GRM7: variants seen among roughly 807,000 people sequenced by gnomAD.
GRM7 encodes glutamate metabotropic receptor 7, also known as metabotropic glutamate receptor 7.
Under a neutral mutation model 84.5 loss-of-function variants are expected in GRM7, and 35 were observed. The ratio of observed to expected loss-of-function variants is 0.41; its 90% CI spans 0.32 to 0.55. The LOEUF is 0.55. GRM7 is among the 20% of genes least tolerant of loss of function. The probability of loss-of-function intolerance (pLI) is 0.19; values close to 1 mark genes in which losing one functional copy is unlikely to be tolerated. For synonymous variants in GRM7, 487 were observed against 455.1 expected (o/e 1.07, Z -0.89); for missense variants, 1,003 against 1,194.6 (o/e 0.84, Z 2.36).
chr3:7,142,143 T>C (rs1487001564), intron 1 of GRM7, among the ~76,000 whole-genome samples: 2 of 151,854 alleles, frequency 1.3e-5, no homozygotes, highest in East Asian at 3.9e-4. Context: ...CAAATATTCA[T>C]ACAGCAGAAT....
chr3:7,667,975 G>C (rs2125129792), intron 8 of GRM7, among the ~76,000 whole-genome samples: 1 of 152,218 alleles, frequency 6.6e-6, no homozygotes, highest in Middle Eastern at 3.4e-3. Flanking sequence ...GTTAGCACAA[G>C]CTGTTTGAAA....
At chr3:7,665,147 G>A (rs992676486) in intron 8 of GRM7, among the ~76,000 whole-genome samples, 7 of 150,962 alleles carry the variant, frequency 4.6e-5, no homozygotes, top group African/African-American at 4.9e-5. Context: ...AACTGCATAC[G>A]GAGAATGTTT....
At chr3:7,289,703 T>C (rs4425239) in intron 2 of GRM7, among the ~76,000 whole-genome samples, 56,689 of 151,930 alleles carry the variant, frequency 0.37, 11,275 homozygotes, top group East Asian at 0.51. Flanking sequence ...TTCATGTCCT[T>C]TGTAGGGACA....
intron 2 of GRM7, among the ~76,000 whole-genome samples, chr3:7,284,971 C>A (rs947740427): frequency 6.6e-6 from 1 of 152,110 alleles, no homozygotes; most frequent in Non-Finnish European, 1.5e-5. Flanking sequence ...TTAATAGTTA[C>A]TGCAGCAGTT....
At chr3:7,108,864 C>A (rs1188318799) in intron 1 of GRM7, among the ~76,000 whole-genome samples, 1 of 152,074 alleles carries the variant, frequency 6.6e-6, no homozygotes, top group Non-Finnish European at 1.5e-5. Context: ...ATAAAGTTTC[C>A]AATTTTCTCC....
chr3:7,136,355 A>T (rs1440126705), intron 1 of GRM7, among the ~76,000 whole-genome samples: 1 of 151,912 alleles, frequency 6.6e-6, no homozygotes, highest in East Asian at 1.9e-4. Flanking sequence ...GACAAATCCT[A>T]GTTATGTCTG....
intron 1 of GRM7, among the ~76,000 whole-genome samples, chr3:7,007,379 A>G (rs1440350978): frequency 6.6e-6 from 1 of 152,212 alleles, no homozygotes; most frequent in African/African-American, 2.4e-5. Context: ...GGCCTTCAAG[A>G]TCTTCCCTAT....
At chr3:6,958,837 A>G (rs921714694) in intron 1 of GRM7, among the ~76,000 whole-genome samples, 3 of 152,194 alleles carry the variant, frequency 2.0e-5, no homozygotes, top group Non-Finnish European at 2.9e-5. Context: ...CAAGTTTCTC[A>G]TACTAGAGCA....
rs147657248 is a variant in GRM7, at chr3:6,892,264, A to T, written c.519+30357A>T. ...TGATATGAGGAAGCAAGGACCTCAG[A>T]GAAGCCCTTCCAGGAGTAATTGAGG... On this transcript the variant is annotated intron_variant, in intron 1 of 9. Transcript: ENST00000357716. Among the ~76,000 whole-genome samples the T allele has an allele frequency of 2.5e-3, 381 of 152,264 alleles. 2 individuals carry two copies. The highest frequency in any genetic ancestry group is 8.6e-3 in the African/African-American group (358 of 41,562).
rs147163552 is a variant in GRM7 at position 7,037,232 on chromosome 3, T to C, written c.520-109220T>C. ...GCTTCATTTAGAAAAAAGACTTGTT[T>C]GTCAGTTTGAAAGAAATACACATTA... On this transcript the variant is annotated intron_variant, in intron 1 of 9. Coordinates refer to ENST00000357716, the MANE Select transcript of GRM7 (RefSeq NM_000844.4). 3.0e-4 allele frequency among the ~76,000 whole-genome samples: 46 copies of C among 152,300 alleles called. No homozygotes were observed. In the East Asian group the frequency reaches 8.3e-3, roughly 27 times the overall value.
chr3:7,573,612 C>T (rs1017222307), intron 7 of GRM7, among the ~76,000 whole-genome samples: 4 of 152,158 alleles, frequency 2.6e-5, no homozygotes, highest in South Asian at 2.1e-4. Context: ...ACATTCCTTG[C>T]GGAGTAGCTT....
At chr3:7,474,375 G>A (rs1204225227) in intron 7 of GRM7, among the ~76,000 whole-genome samples, 2 of 151,302 alleles carry the variant, frequency 1.3e-5, no homozygotes, top group Admixed American at 6.6e-5. Flanking sequence ...TCTTAGGCAT[G>A]CTTTGATCAG....
chr3:7,581,887 A>G (rs1329658917), intron 8 of GRM7, among the ~76,000 whole-genome samples: 6 of 151,352 alleles, frequency 4.0e-5, no homozygotes, highest in Non-Finnish European at 8.8e-5. Context: ...ATTAACCCCC[A>G]TGAAGTTTGT....
intron 7 of GRM7, among the ~76,000 whole-genome samples, chr3:7,544,149 G>C (rs975447013): frequency 9.2e-5 from 14 of 152,168 alleles, no homozygotes; most frequent in African/African-American, 3.4e-4. Flanking sequence ...CATGTGGAAA[G>C]AGCCCTGGGT....
At position 7,559,798 on chromosome 3, in the gene GRM7, A is replaced by G. The variant is rs569711749; in HGVS notation, c.1516-18624A>G. 1.2e-3 allele frequency among the ~76,000 whole-genome samples: 176 copies of G among 152,084 alleles called. 1 individual carries two copies. Among genetic ancestry groups the G allele is most frequent in the Non-Finnish European group, 1.7e-3 (115 of 67,998 alleles). ...TAAACCCAGAAATTTATTTTCTCCC[A>G]GTTCTGAAGGTTAGATGTCCAACAT... On this transcript the variant is annotated intron_variant, in intron 7 of 9. Transcript: ENST00000357716.
At chr3:7,709,199 T>A (rs905641449) in intron 9 of GRM7, among the ~76,000 whole-genome samples, 1 of 152,150 alleles carries the variant, frequency 6.6e-6, no homozygotes, top group Non-Finnish European at 1.5e-5. Context: ...GTGGCATTTA[T>A]GTTTTAGTCA....
At chr3:7,590,142 T>G (rs997383868) in intron 8 of GRM7, among the ~76,000 whole-genome samples, 2 of 152,204 alleles carry the variant, frequency 1.3e-5, no homozygotes, top group African/African-American at 2.4e-5. Context: ...CAATCAATTT[T>G]AAGTACCTGT....
intron 2 of GRM7, among the ~76,000 whole-genome samples, chr3:7,295,266 G>C (rs541849875): frequency 2.2e-4 from 34 of 152,112 alleles, no homozygotes; most frequent in Non-Finnish European, 3.5e-4. Context: ...TTTCCTTTGA[G>C]TTCCTTTGCA....
chr3:7,131,175 T>C (rs768237300), intron 1 of GRM7, among the ~76,000 whole-genome samples: 1 of 152,178 alleles, frequency 6.6e-6, no homozygotes, highest in East Asian at 1.9e-4. Context: ...CTGTGATCTG[T>C]AGGCAGAAGT....
Sources: gnomAD v4.1 joint callset for allele counts (sites outside exome capture counted in the v4.1 genomes callset) on GRCh38, gnomAD v4.1.1 for gene constraint, MANE v1.5 for transcripts, NCBI Gene and HGNC (gene_info 2026-07-23, HGNC 2026-07-21) for gene names.